PTPRT: variants seen among roughly 807,000 people sequenced by gnomAD.
PTPRT encodes the protein receptor-type tyrosine-protein phosphatase T.
In PTPRT, 56 loss-of-function variants were observed where a neutral mutation model predicts 176.8. The ratio of observed to expected loss-of-function variants is 0.32; its 90% confidence interval spans 0.26 to 0.40. PTPRT has a LOEUF of 0.40. Ranked by LOEUF, PTPRT falls within the 10% of genes least tolerant of loss-of-function variation. The pLI is 1.00. For missense variants in PTPRT, 1,540 were observed against 1,908.2 expected (o/e 0.81, Z 3.60); for synonymous variants, 783 against 739.0 (o/e 1.06, Z -0.96).
At chr20:42,139,378 G>T (rs1388337439) in intron 18 of PTPRT, among the ~76,000 whole-genome samples, 1 of 152,158 alleles carries the variant, frequency 6.6e-6, no homozygotes, top group Non-Finnish European at 1.5e-5. Flanking sequence ...AGAGATTTTA[G>T]TCCAAGCAGT....
intron 1 of PTPRT, among the ~76,000 whole-genome samples, chr20:43,073,234 T>C (rs565052659): frequency 2.6e-5 from 4 of 152,216 alleles, no homozygotes; most frequent in Admixed American, 6.5e-5. Context: ...GTTTTAACTG[T>C]TAAATATACA....
intron 6 of PTPRT, among the ~76,000 whole-genome samples, chr20:42,729,037 A>T (rs2076421692): frequency 6.6e-6 from 1 of 152,162 alleles, no homozygotes; most frequent in Admixed American, 6.5e-5. Context: ...AACAATCCAT[A>T]GAGGGGCTTC....
intron 2 of PTPRT, among the ~76,000 whole-genome samples, chr20:42,814,651 C>T (rs1225451042): frequency 6.6e-6 from 1 of 152,148 alleles, no homozygotes; most frequent in African/African-American, 2.4e-5. Flanking sequence ...GTCATGACTG[C>T]CATCTTTAGT....
intron 27 of PTPRT, 106 bp downstream of exon 27, chr20:42,098,312 ACAG>A: frequency 6.8e-7 from 1 of 1,471,282 alleles, no homozygotes; most frequent in East Asian, 2.3e-5. Flanking sequence ...TTATTACAAG[ACAG>A]CTGGCTGGGG....
intron 7 of PTPRT, among the ~76,000 whole-genome samples, chr20:42,608,547 C>T (rs915188191): frequency 2.0e-5 from 3 of 152,274 alleles, no homozygotes; most frequent in South Asian, 2.1e-4. Flanking sequence ...GCAGAGATGG[C>T]GTGCTTTTCT....
intron 1 of PTPRT, among the ~76,000 whole-genome samples, chr20:42,980,210 G>T (rs1020240955): frequency 3.3e-5 from 5 of 151,950 alleles, no homozygotes; most frequent in African/African-American, 1.2e-4. Flanking sequence ...GAAAAGAAAG[G>T]AGAAAAAGAA....
chr20:42,689,701 G>T, intron 6 of PTPRT, among the ~76,000 whole-genome samples: 1 of 152,282 alleles, frequency 6.6e-6, no homozygotes, highest in South Asian at 2.1e-4. Flanking sequence ...TCCTGGATAT[G>T]TAGTATCCTG....
chr20:42,045,725 C>T, the PTPRT span, among the ~76,000 whole-genome samples: 8 of 152,052 alleles, frequency 5.3e-5, no homozygotes, highest in African/African-American at 1.7e-4. Context: ...GACTTACAGA[C>T]ACCACATAAC....
intron 1 of PTPRT, among the ~76,000 whole-genome samples, chr20:42,954,724 A>T (rs1568698726): frequency 1.3e-5 from 2 of 152,176 alleles, no homozygotes; most frequent in Non-Finnish European, 2.9e-5. Flanking sequence ...CATAAACTCT[A>T]GAGAGGCTAC....
At chr20:42,620,113 G>T (rs1468468366) in intron 7 of PTPRT, among the ~76,000 whole-genome samples, 1 of 144,506 alleles carries the variant, frequency 6.9e-6, no homozygotes, top group Non-Finnish European at 1.5e-5. Flanking sequence ...GTACAGATGG[G>T]TTTTCGGTGT....
intron 8 of PTPRT, among the ~76,000 whole-genome samples, chr20:42,471,644 T>A (rs1039147479): frequency 2.7e-5 from 4 of 145,812 alleles, no homozygotes; most frequent in Admixed American, 2.7e-4. Flanking sequence ...GTCTCCGGTG[T>A]TTTTTTTGTT....
chr20:42,891,305 A>G (rs1303363137), intron 1 of PTPRT, among the ~76,000 whole-genome samples: 3 of 152,162 alleles, frequency 2.0e-5, no homozygotes, highest in Non-Finnish European at 2.9e-5. Flanking sequence ...GATCCACATA[A>G]TTGGGGGAGG....
At chr20:42,785,200 G>A (rs208255) in intron 3 of PTPRT, among the ~76,000 whole-genome samples, 71,854 of 152,020 alleles carry the variant, frequency 0.47, 19,246 homozygotes, top group Non-Finnish European at 0.61. Context: ...GGCACATGTC[G>A]GGAGATGGCT....
intron 1 of PTPRT, chr20:42,971,051 T>G (rs990309811): frequency 3.3e-5 from 5 of 152,236 alleles, no homozygotes; most frequent in African/African-American, 1.2e-4. Context: ...ACAATTTTTA[T>G]TTGCATTTCA....
At chr20:42,640,988 T>A (rs934383025) in intron 7 of PTPRT, among the ~76,000 whole-genome samples, 4 of 152,160 alleles carry the variant, frequency 2.6e-5, no homozygotes, top group Non-Finnish European at 5.9e-5. Context: ...ATAAGCATGT[T>A]TAAGGTTGCC....
chr20:42,558,340 TG>T (rs1204225494), intron 7 of PTPRT, among the ~76,000 whole-genome samples: 2 of 152,200 alleles, frequency 1.3e-5, no homozygotes, highest in African/African-American at 4.8e-5. Context: ...GTATGGTACA[TG>T]TACCATGTTT....
At chr20:42,125,595 G>A (rs4812581) in intron 19 of PTPRT, among the ~76,000 whole-genome samples, 1 of 152,210 alleles carries the variant, frequency 6.6e-6, no homozygotes, top group East Asian at 1.9e-4. Context: ...ACCTTGGACA[G>A]TGCTCTTAAC....
intron 8 of PTPRT, among the ~76,000 whole-genome samples, chr20:42,455,704 T>C (rs1304439796): frequency 1.3e-5 from 2 of 152,306 alleles, no homozygotes; most frequent in Admixed American, 6.5e-5. Flanking sequence ...AATTCCTCAG[T>C]TGATTTGCCT....
intron 1 of PTPRT, among the ~76,000 whole-genome samples, chr20:42,916,883 T>C (rs1347871052): frequency 1.3e-5 from 2 of 152,228 alleles, no homozygotes; most frequent in African/African-American, 4.8e-5. Flanking sequence ...ATGAGTAGGT[T>C]GCAAAAATTT....
Sources: gnomAD v4.1 joint callset for allele counts (sites outside exome capture counted in the v4.1 genomes callset) on GRCh38, gnomAD v4.1.1 for gene constraint, MANE v1.5 for transcripts, NCBI Gene and HGNC (gene_info 2026-07-23, HGNC 2026-07-21) for gene names.